Variants in NCS1 observed in about 807,000 individuals in gnomAD.
NCS1 encodes the protein frequenin homolog.
A neutral mutation model predicts 28.4 loss-of-function variants in NCS1; 6 were observed. The ratio of observed to expected loss-of-function variants is 0.21; its 90% CI spans 0.12 to 0.42. NCS1 has a LOEUF of 0.42. NCS1 is among the 10% of genes least tolerant of loss of function. The probability of loss-of-function intolerance (pLI) is 1.00; values close to 1 mark genes in which losing one functional copy is unlikely to be tolerated. For synonymous variants in NCS1, 86 were observed against 99.3 expected (o/e 0.87, Z 0.79); for missense variants, 131 against 241.4 (o/e 0.54, Z 3.03).
rs1303393313 is a variant in NCS1, at chr9:130,230,712, A to T, written c.*18-2278A>T. Among the ~76,000 whole-genome samples the T allele has an allele frequency of 1.7e-4, 15 of 89,760 alleles. No individual in the cohort carries two copies. In the South Asian group the frequency reaches 3.0e-3, roughly 18 times the overall value. The allele number at this position is 89,760 out of a possible 152,430, so 58.9% of individuals were successfully genotyped here. On this transcript the variant is annotated intron_variant, in intron 7 of 7. Transcript: ENST00000372398. ...TGACAGTGTAAGACTCTGTCTCTTT[A>T]AAAAAAAAAAAAAGTGTAATGTTTT...
chr9:130,221,881 A>AATATAAATTATGTATATATAAATATAT (rs1554910557), intron 4 of NCS1, among the ~76,000 whole-genome samples: 1,028 of 1,632 alleles, frequency 0.63, 454 homozygotes, highest in East Asian at 0.93. Context: ...ATATATACAT[A>AATATAAATTATGTATATATAAATATAT]ATACATAAAT....
intron 1 of NCS1, among the ~76,000 whole-genome samples, chr9:130,190,065 A>AGAGAGAGAG (rs61046186): frequency 2.1e-4 from 31 of 146,604 alleles, no homozygotes; most frequent in Non-Finnish European, 3.3e-4. Context: ...AGAGAGAGAG[A>AGAGAGAGAG]ATATATGTGG....
At chr9:130,201,502 G>A (rs1223581030) in intron 2 of NCS1, among the ~76,000 whole-genome samples, 1 of 152,182 alleles carries the variant, frequency 6.6e-6, no homozygotes, top group Non-Finnish European at 1.5e-5. Context: ...GCGGCAGTGA[G>A]GGATAAGTGG....
chr9:130,175,932 G>A lies in NCS1; in HGVS notation c.64+3205G>A, dbSNP rs893778796. On this transcript the variant is annotated intron_variant, in intron 1 of 7. Transcript: ENST00000372398. This position sits in a 1 kb window ranked among gnomAD's most constrained non-coding sequence, Gnocchi z 4.9. ...TGCTGGTGAGGCTGTTGGCTTCCCC[G>A]TGTGTCCCGGCTGTGGGATGGGCCG... Among the ~76,000 whole-genome samples the A allele has an allele frequency of 7.2e-5, 11 of 152,250 alleles. No homozygotes were observed. The highest frequency in any genetic ancestry group is 1.2e-4 in the African/African-American group (5 of 41,532).
chr9:130,201,370 C>G (rs191689133), intron 2 of NCS1, among the ~76,000 whole-genome samples: 1 of 152,114 alleles, frequency 6.6e-6, no homozygotes, highest in African/African-American at 2.4e-5. Context: ...ATGATCGATT[C>G]GATTGGATCA....
intron 2 of NCS1, among the ~76,000 whole-genome samples, chr9:130,208,929 C>T (rs1833070763): frequency 1.3e-5 from 2 of 152,064 alleles, no homozygotes; most frequent in Admixed American, 1.3e-4. Context: ...CTCCGTGGTC[C>T]TGAATATTGG....
At position 130,191,396 on chromosome 9, in the gene NCS1, G is replaced by A. The variant is rs1186229529; in HGVS notation, c.65-9562G>A. Among the ~76,000 whole-genome samples, 1 of 152,192 alleles carries A rather than the reference G, an allele frequency of 6.6e-6. No individual in the cohort carries two copies. The highest frequency in any genetic ancestry group is 2.4e-5 in the African/African-American group (1 of 41,460). On this transcript the variant is annotated intron_variant, in intron 1 of 7. Transcript: ENST00000372398. This position sits in a 1 kb window ranked among gnomAD's most constrained non-coding sequence, Gnocchi z 6.4. ...CATCTACTCGCCATTCCTGAAGACA[G>A]GCTGGGAGATCCCCCAACAGGTGAA...
At chr9:130,222,767 G>T in intron 5 of NCS1, 29 bp downstream of exon 5, 1 of 1,605,506 alleles carries the variant, frequency 6.2e-7, no homozygotes, top group Non-Finnish European at 8.5e-7. Flanking sequence ...TGTGGTTAGG[G>T]GTGGCAGGAG....
chr9:130,222,556 G>A, intron 4 of NCS1, 94 bp from the exon 5 acceptor site: 1 of 1,023,062 alleles, frequency 9.8e-7, no homozygotes, highest in Non-Finnish European at 1.5e-6. Flanking sequence ...TCCGGTCGCT[G>A]ACTTCATGTT....
rs1305328673 is a variant in NCS1 at position 130,235,301 on chromosome 9, T to A, written c.*2329T>A. 3 of 152,222 alleles carry A rather than the reference T, an allele frequency of 2.0e-5. No homozygotes were observed. Among genetic ancestry groups the A allele is most frequent in the Admixed American group, 6.6e-5 (1 of 15,266 alleles). The allele number at this position is 152,222 out of a possible 1,614,324, so 9.4% of individuals were successfully genotyped here. A position where few individuals can be genotyped will look rare whatever the true frequency, so the allele number is the denominator to read the frequency against. On this transcript the variant is annotated 3_prime_UTR_variant, in exon 8 of 8. Coordinates refer to ENST00000372398, the MANE Select transcript of NCS1 (RefSeq NM_014286.4). ...TTCTCAGCTGGGCTCTGACCTGGGGTCTGGGGCAGGGAACGAACATGGTGG... is the reference window on the plus strand; with the variant it reads ...TTCTCAGCTGGGCTCTGACCTGGGGACTGGGGCAGGGAACGAACATGGTGG...
chr9:130,178,565 C>G (rs954987737), intron 1 of NCS1, among the ~76,000 whole-genome samples: 1 of 152,080 alleles, frequency 6.6e-6, no homozygotes, highest in Non-Finnish European at 1.5e-5. Context: ...TCGAGTGGGC[C>G]GGGCCCATGT....
intron 1 of NCS1, chr9:130,200,329 A>C (rs2078607936): frequency 1.8e-6 from 1 of 545,776 alleles, no homozygotes; most frequent in Admixed American, 3.2e-5. Flanking sequence ...TCAGTAAAGA[A>C]TGGGTATGTG....
rs1383724910 is a variant in NCS1 at position 130,209,264 on chromosome 9, C to A, written c.89+8282C>A. On this transcript the variant is annotated intron_variant, in intron 2 of 7. Transcript: ENST00000372398. This position sits in a 1 kb window ranked among gnomAD's most constrained non-coding sequence, Gnocchi z 4.4. ...AGAGCAGCTGCCGCAGTATCATCAG[C>A]ATGGCAGGAAATGCAGGGCTGGCCT... Among the ~76,000 whole-genome samples, 1 of 152,224 alleles carries A rather than the reference C, an allele frequency of 6.6e-6. No homozygotes were observed. The highest frequency in any genetic ancestry group is 1.5e-5 in the Non-Finnish European group (1 of 68,038).
Position 130,175,222 on chromosome 9 carries a change from A to G in NCS1, c.64+2495A>G, listed in dbSNP as rs117563851. Among the ~76,000 whole-genome samples, 705 of 152,212 alleles carry G rather than the reference A, an allele frequency of 4.6e-3. 1 individual carries two copies. Among genetic ancestry groups the G allele is most frequent in the Non-Finnish European group, 8.2e-3 (561 of 68,020 alleles). On this transcript the variant is annotated intron_variant, in intron 1 of 7. Coordinates refer to ENST00000372398, the MANE Select transcript of NCS1 (RefSeq NM_014286.4). This position sits in a 1 kb window ranked among gnomAD's most constrained non-coding sequence, Gnocchi z 4.9. The stretch of plus-strand genomic sequence containing the variant: ...TGGCCTTTAGTAGGTTCACAGAATG[A>G]AAAGTCTCCCAACAGGACAAGCAGA...
Position 130,226,304 on chromosome 9 carries a change from C to A in NCS1, c.475-85C>A. 1 of 1,180,590 alleles carries A rather than the reference C, an allele frequency of 8.5e-7. No individual in the cohort carries two copies. Among genetic ancestry groups the A allele is most frequent in the Non-Finnish European group, 1.2e-6 (1 of 802,238 alleles). 73.1% of individuals were successfully genotyped at this position (1,180,590 alleles called of 1,614,324 possible). Reference sequence around the variant, plus strand: ...CCCTCCTGATCTAACCTTGGAAGGGCTCTTGGGACCGGCCCTGGGCTGGGC... The same window carrying A: ...CCCTCCTGATCTAACCTTGGAAGGGATCTTGGGACCGGCCCTGGGCTGGGC... On this transcript the variant is annotated intron_variant, in intron 6 of 7. Coordinates refer to ENST00000372398, the MANE Select transcript of NCS1 (RefSeq NM_014286.4). The surrounding 1 kb of genome is among the most constrained non-coding windows in gnomAD (Gnocchi z 4.8).
intron 1 of NCS1, among the ~76,000 whole-genome samples, chr9:130,174,172 G>T (rs986692286): frequency 6.6e-6 from 1 of 152,192 alleles, no homozygotes; most frequent in Non-Finnish European, 1.5e-5. Context: ...GCCCACAGCC[G>T]CCAGCAGGTG....
intron 2 of NCS1, among the ~76,000 whole-genome samples, chr9:130,213,217 C>T (rs1464026476): frequency 6.6e-6 from 1 of 152,186 alleles, no homozygotes; most frequent in Admixed American, 6.5e-5. Flanking sequence ...TGTCTCTCTC[C>T]CTCTCTGGGC....
At chr9:130,224,047 C>CGT (rs1390417655) in intron 6 of NCS1, among the ~76,000 whole-genome samples, 1 of 151,630 alleles carries the variant, frequency 6.6e-6, no homozygotes, top group African/African-American at 2.4e-5. Flanking sequence ...GGGATTTCAC[C>CGT]GTGTTAGCCA....
intron 6 of NCS1, 24 bp downstream of exon 6, chr9:130,223,183 T>A: frequency 1.9e-6 from 3 of 1,587,544 alleles, no homozygotes; most frequent in Non-Finnish European, 2.6e-6. Context: ...GCGGGGCTGG[T>A]CCTGGACCAG....
Sources: gnomAD v4.1 joint callset for allele counts (sites outside exome capture counted in the v4.1 genomes callset) on GRCh38, gnomAD v4.1.1 for gene constraint, Gnocchi (gnomAD v3.1) non-coding constraint, MANE v1.5 for transcripts, NCBI Gene and HGNC (gene_info 2026-07-23, HGNC 2026-07-21) for gene names.